The following ST3GAL3 variants were observed in gnomAD, a reference collection of about 807,000 sequenced individuals.
The protein encoded by ST3GAL3 is ST3 beta-galactoside alpha-2,3-sialyltransferase 3.
ST3GAL3 carries 21 observed loss-of-function variants against 50.1 expected under a neutral mutation model. That is an observed-to-expected ratio of 0.42 (90% CI 0.30 to 0.60). The LOEUF is 0.60. ST3GAL3 is among the 20% of genes least tolerant of loss of function. ST3GAL3 has a pLI of 0.19. For missense variants in ST3GAL3, 353 were observed against 489.4 expected (o/e 0.72, Z 2.63); for synonymous variants, 183 against 190.0 (o/e 0.96, Z 0.30).
At chr1:43,915,194 C>T (rs964473801) in intron 9 of ST3GAL3, among the ~76,000 whole-genome samples, 2 of 152,174 alleles carry the variant, frequency 1.3e-5, no homozygotes, top group Non-Finnish European at 2.9e-5. Context: ...GGAGCAGCAG[C>T]GGAAGACGCT....
intron 2 of ST3GAL3, chr1:43,743,752 T>TA (rs1189004035): frequency 4.5e-6 from 1 of 222,072 alleles, no homozygotes; most frequent in African/African-American, 2.3e-5. Flanking sequence ...ACTCCATTCT[T>TA]ACAGAGCAAC....
At chr1:43,766,787 G>C (rs1693210120) in intron 2 of ST3GAL3, among the ~76,000 whole-genome samples, 1 of 152,146 alleles carries the variant, frequency 6.6e-6, no homozygotes, top group Non-Finnish European at 1.5e-5. Context: ...CAACACAGAG[G>C]TCTCTTCTGG....
At chr1:43,837,439 C>T (rs552854555) in intron 4 of ST3GAL3, among the ~76,000 whole-genome samples, 2 of 152,322 alleles carry the variant, frequency 1.3e-5, no homozygotes, top group African/African-American at 2.4e-5. Flanking sequence ...GGTCACTGTT[C>T]GGGACAGTTC....
At chr1:43,881,098 C>G (rs753898637) in intron 5 of ST3GAL3, among the ~76,000 whole-genome samples, 1 of 152,052 alleles carries the variant, frequency 6.6e-6, no homozygotes, top group African/African-American at 2.4e-5. Flanking sequence ...GCAACCTCCT[C>G]CTCCCGGGTT....
chr1:43,730,312 G>T (rs1216132698), intron 1 of ST3GAL3, among the ~76,000 whole-genome samples: 1 of 152,160 alleles, frequency 6.6e-6, no homozygotes, highest in African/African-American at 2.4e-5. Flanking sequence ...TCACTGTATG[G>T]TTGTGACAAT....
chr1:43,817,880 C>CTCCTTCTCT (rs1287225485), intron 4 of ST3GAL3, among the ~76,000 whole-genome samples: 1 of 150,100 alleles, frequency 6.7e-6, no homozygotes, highest in African/African-American at 2.5e-5. Context: ...CCTCCTCCTC[C>CTCCTTCTCT]TCCTTCTTTC....
At chr1:43,767,286 A>G (rs140187002) in intron 2 of ST3GAL3, among the ~76,000 whole-genome samples, 52 of 152,258 alleles carry the variant, frequency 3.4e-4, no homozygotes, top group Admixed American at 1.2e-3. Context: ...GCAAGAGTGC[A>G]AGGCATGGCA....
chr1:43,749,723 A>G (rs2158955), intron 2 of ST3GAL3, among the ~76,000 whole-genome samples: 49,679 of 152,192 alleles, frequency 0.33, 9,456 homozygotes, highest in East Asian at 0.53. Flanking sequence ...TAGAAACTCA[A>G]TCCCCAGTGC....
rs2058611049 is a variant in ST3GAL3, at chr1:43,795,696, A to G, written c.166+3547A>G. On this transcript the variant is annotated intron_variant, in intron 3 of 11. Coordinates refer to ENST00000347631, the MANE Select transcript of ST3GAL3 (RefSeq NM_006279.5). ...TCTGTTAGTGTAGGTACTTAAAAGT[A>G]AGAAAAAGGTTCCAGTTCCAGATAA... 2.0e-5 allele frequency among the ~76,000 whole-genome samples: 3 copies of G among 152,344 alleles called. No homozygotes were observed. The South Asian group carries it at 6.2e-4, about 32-fold the overall frequency.
intron 3 of ST3GAL3, among the ~76,000 whole-genome samples, chr1:43,800,721 G>C (rs1272993493): frequency 6.6e-6 from 1 of 152,140 alleles, no homozygotes; most frequent in Non-Finnish European, 1.5e-5. Flanking sequence ...CTGTATAGGT[G>C]ACAGTACTGA....
intron 5 of ST3GAL3, chr1:43,840,582 CCTATTTGCACACT>C (rs2065212791): frequency 6.6e-6 from 1 of 152,114 alleles, no homozygotes; most frequent in African/African-American, 2.4e-5. Context: ...GTCACCCACA[CCTATTTGCACACT>C]CCCTCCCCTT....
intron 5 of ST3GAL3, among the ~76,000 whole-genome samples, chr1:43,852,485 A>G (rs1358699457): frequency 6.6e-6 from 1 of 152,138 alleles, no homozygotes; most frequent in African/African-American, 2.4e-5. Flanking sequence ...CTTCTCCCAT[A>G]GAGACTGTGA....
At chr1:43,867,497 G>C (rs1405255987) in intron 5 of ST3GAL3, among the ~76,000 whole-genome samples, 1 of 152,194 alleles carries the variant, frequency 6.6e-6, no homozygotes, top group Non-Finnish European at 1.5e-5. Flanking sequence ...GTATATGTGG[G>C]TCTGGGGTTC....
At chr1:43,927,151 G>A (rs191780260) in intron 11 of ST3GAL3, among the ~76,000 whole-genome samples, 1 of 152,252 alleles carries the variant, frequency 6.6e-6, no homozygotes, top group African/African-American at 2.4e-5. Flanking sequence ...CCAACATGGC[G>A]AAATCCTGTC....
chr1:43,827,587 C>T (rs982906786), intron 4 of ST3GAL3, among the ~76,000 whole-genome samples: 1 of 152,100 alleles, frequency 6.6e-6, no homozygotes, highest in Non-Finnish European at 1.5e-5. Context: ...ACTGCTGTCT[C>T]GACCTCCCAG....
chr1:43,825,688 G>C (rs2062705094), intron 4 of ST3GAL3, among the ~76,000 whole-genome samples: 1 of 152,148 alleles, frequency 6.6e-6, no homozygotes, highest in Non-Finnish European at 1.5e-5. Context: ...TGCCTTGAAG[G>C]GTTTTAAGCA....
chr1:43,885,253 C>G (rs1211887009), intron 5 of ST3GAL3, among the ~76,000 whole-genome samples: 1 of 152,032 alleles, frequency 6.6e-6, no homozygotes, highest in Non-Finnish European at 1.5e-5. Context: ...GTGAGAGACA[C>G]AGGGGTCAGA....
intron 11 of ST3GAL3, among the ~76,000 whole-genome samples, chr1:43,924,313 G>A (rs1434281642): frequency 6.6e-6 from 1 of 152,172 alleles, no homozygotes; most frequent in East Asian, 1.9e-4. Context: ...TTTGTCCACA[G>A]CCAGCGCCCA....
At position 43,711,896 on chromosome 1, in the gene ST3GAL3, T is replaced by A. The variant is rs1236695755; in HGVS notation, c.-31+4203T>A. The stretch of plus-strand genomic sequence containing the variant: ...GTAATAATTTTAGGTGCATTTTCAC[T>A]CAAATGGTTAAAATTAAAAAGTAAT... On this transcript the variant is annotated intron_variant, in intron 1 of 11. Transcript: ENST00000347631. Among the ~76,000 whole-genome samples the A allele has an allele frequency of 2.0e-5, 3 of 152,368 alleles. No individual in the cohort carries two copies. The East Asian group carries it at 5.8e-4, about 29-fold the overall frequency.
Sources: allele counts gnomAD v4.1 joint callset (sites outside exome capture counted in the v4.1 genomes callset), GRCh38; gene constraint gnomAD v4.1.1; transcripts MANE v1.5; gene names NCBI Gene and HGNC (gene_info 2026-07-23, HGNC 2026-07-21).